Variants in TANGO2 observed in about 807,000 individuals in gnomAD.
TANGO2 encodes transport and golgi organization 2 homolog, also known as transport and Golgi organization protein 2 homolog.
Under a neutral mutation model 39.1 loss-of-function variants are expected in TANGO2, and 26 were observed. The ratio of observed to expected loss-of-function variants is 0.67; its 90% CI spans 0.49 to 0.92. TANGO2 has a LOEUF of 0.92. Ranked by LOEUF, TANGO2 falls within the 40% of genes least tolerant of loss-of-function variation. TANGO2 has a pLI of 0.00. For synonymous variants in TANGO2, 131 were observed against 144.5 expected (o/e 0.91, Z 0.67); for missense variants, 326 against 360.1 (o/e 0.91, Z 0.77).
At chr22:20,064,514 G>A in intron 8 of TANGO2, 28 bp from the exon 9 acceptor site, 1 of 1,613,574 alleles carries the variant, frequency 6.2e-7, no homozygotes, top group Non-Finnish European at 8.5e-7. Flanking sequence ...GGGACACCAG[G>A]TGAACGAGGG....
intron 1 of TANGO2, among the ~76,000 whole-genome samples, chr22:20,033,745 C>T (rs1179385003): frequency 6.6e-6 from 1 of 152,234 alleles, no homozygotes; most frequent in East Asian, 1.9e-4. Flanking sequence ...CTGGGCCCAC[C>T]CCATCAGTGG....
intron 1 of TANGO2, among the ~76,000 whole-genome samples, chr22:20,035,585 G>A (rs2042690073): frequency 6.6e-6 from 1 of 152,232 alleles, no homozygotes; most frequent in South Asian, 2.1e-4. Context: ...CGAGGTGTAT[G>A]CTAAGTGTGC....
At chr22:20,034,140 G>T (rs895723126) in intron 1 of TANGO2, among the ~76,000 whole-genome samples, 13 of 152,226 alleles carry the variant, frequency 8.5e-5, no homozygotes, top group African/African-American at 3.1e-4. Flanking sequence ...GGGGGGCGGA[G>T]GTTGCGGTGA....
chr22:20,025,822 G>C (rs1321277978), intron 1 of TANGO2, among the ~76,000 whole-genome samples: 1 of 152,204 alleles, frequency 6.6e-6, no homozygotes, highest in Non-Finnish European at 1.5e-5. Context: ...GCGTGATCTA[G>C]GCAGGGTTTG....
At chr22:20,036,193 A>G (rs1231773582) in intron 1 of TANGO2, among the ~76,000 whole-genome samples, 2 of 152,130 alleles carry the variant, frequency 1.3e-5, no homozygotes, top group Non-Finnish European at 2.9e-5. Context: ...CCCCTACCCA[A>G]CAATTAATAG....
In TANGO2 at chr22:20,065,426, C is replaced by A. The variant is rs1253939139; in HGVS notation, c.*764C>A. The A allele has an allele frequency of 6.6e-6, 1 of 152,072 alleles. No homozygotes were observed. The highest frequency in any genetic ancestry group is 1.9e-4 in the East Asian group (1 of 5,172). The allele number at this position is 152,072 out of a possible 1,614,324, so 9.4% of individuals were successfully genotyped here. Reference sequence around the variant, plus strand: ...GCACGATCTCGGCTCACTGCAACCTCCGCCTCCCAAGTTCAAGCAATTCTC... The same window carrying A: ...GCACGATCTCGGCTCACTGCAACCTACGCCTCCCAAGTTCAAGCAATTCTC... On this transcript the variant is annotated 3_prime_UTR_variant, in exon 9 of 9. Coordinates refer to ENST00000327374, the MANE Select transcript of TANGO2 (RefSeq NM_152906.7).
At chr22:20,048,740 A>G (rs1348719840) in intron 3 of TANGO2, among the ~76,000 whole-genome samples, 1 of 151,786 alleles carries the variant, frequency 6.6e-6, no homozygotes, top group Non-Finnish European at 1.5e-5. Context: ...TCCGCCTCCC[A>G]GGTTCAAGTG....
chr22:20,057,420 G>A lies in TANGO2; in HGVS notation c.451+1407G>A, dbSNP rs1175031085. On this transcript the variant is annotated intron_variant, in intron 6 of 8. Coordinates refer to ENST00000327374, the MANE Select transcript of TANGO2 (RefSeq NM_152906.7). The surrounding 1 kb of genome is among the most constrained non-coding windows in gnomAD (Gnocchi z 4.1). ...ATCTGCCTGGAGGGTGGCTTCCAGTGTGTCCCACCCACTGCCCCCACGCCT... is the reference window on the plus strand; with the variant it reads ...ATCTGCCTGGAGGGTGGCTTCCAGTATGTCCCACCCACTGCCCCCACGCCT... Among the ~76,000 whole-genome samples the A allele has an allele frequency of 6.6e-6, 1 of 152,202 alleles. No individual in the cohort carries two copies.
chr22:20,061,327 A>G (rs2048340328), intron 6 of TANGO2: 2 of 537,668 alleles, frequency 3.7e-6, no homozygotes, highest in South Asian at 3.2e-5. Context: ...GCTTCCGCCT[A>G]CTGCTGAGTT....
chr22:20,043,394 A>T lies in TANGO2; in HGVS notation c.96A>T (p.Arg32=), dbSNP rs1026988494. ...LAANRDEFYS[R]PSKLADFWGN... ...CCAACAGGGATGAATTCTACAGCCG[A>T]CCCTCCAAGTTAGCTGACTTCTGGG... The change falls in exon 3 of 9, where the codon CGA becomes CGT. Residue 32 remains arginine, a synonymous_variant. Transcript: ENST00000327374. 4 of 1,613,272 alleles carry T rather than the reference A, an allele frequency of 2.5e-6. No individual in the cohort carries two copies. The African/African-American group carries it at 5.3e-5, about 22-fold the overall frequency.
chr22:20,036,808 A>T lies in TANGO2; in HGVS notation c.10A>T (p.Ile4Phe), dbSNP rs1212736790. The stretch of plus-strand genomic sequence containing the variant: ...GCCGCCCTGCACCACCATGTGCATC[A>T]TCTTCTTTAAGTTTGATCCTCGCCC... Reference protein sequence around the residue: MCIIFFKFDPRPVS... With the variant: MCIFFFKFDPRPVS... The change falls in exon 2 of 9, where the codon ATC (isoleucine) becomes TTC (phenylalanine). Residue 4 changes from isoleucine (I) to phenylalanine (F), a missense_variant. Coordinates refer to ENST00000327374, the MANE Select transcript of TANGO2 (RefSeq NM_152906.7). 1.9e-6 allele frequency: 3 copies of T among 1,614,194 alleles called. No homozygotes were observed. Among genetic ancestry groups the T allele is most frequent in the Non-Finnish European group, 2.5e-6 (3 of 1,180,032 alleles).
chr22:20,037,034 G>C, intron 2 of TANGO2, 180 bp downstream of exon 2: 1 of 1,559,668 alleles, frequency 6.4e-7, no homozygotes, highest in Non-Finnish European at 8.7e-7. Flanking sequence ...ATGCCTCTCG[G>C]GGCGGGGACT....
upstream of TANGO2, among the ~76,000 whole-genome samples, chr22:20,020,223 T>C (rs918719794): frequency 6.6e-6 from 1 of 152,178 alleles, no homozygotes; most frequent in Non-Finnish European, 1.5e-5. Context: ...GGGTTTAGAG[T>C]GCTTTACACA....
Position 20,064,623 on chromosome 22 carries a change from C to T in TANGO2, c.792C>T (p.His264=), listed in dbSNP as rs766329222. ...GCATGATGGACAAGGACCTCTCCCACTGGGAGACCAGAACCTATGAGTTCA... is the reference window on the plus strand; with the variant it reads ...GCATGATGGACAAGGACCTCTCCCATTGGGAGACCAGAACCTATGAGTTCA... ...ERSMMDKDLS[H]WETRTYEFTL... is the part of the protein sequence containing the mutation. The change falls in exon 9 of 9, where the codon CAC becomes CAT. Residue 264 remains histidine, a synonymous_variant. Coordinates refer to ENST00000327374, the MANE Select transcript of TANGO2 (RefSeq NM_152906.7). 3 of 1,614,172 alleles carry T rather than the reference C, an allele frequency of 1.9e-6. No individual in the cohort carries two copies. The highest frequency in any genetic ancestry group is 2.5e-6 in the Non-Finnish European group (3 of 1,179,986).
chr22:20,042,844 T>C (rs974199215), intron 2 of TANGO2, among the ~76,000 whole-genome samples: 9 of 152,258 alleles, frequency 5.9e-5, no homozygotes, highest in African/African-American at 2.2e-4. Flanking sequence ...GAAGTTCCCA[T>C]CCACTCCCAA....
At chr22:20,032,394 C>T (rs551531093) in intron 1 of TANGO2, among the ~76,000 whole-genome samples, 7 of 152,360 alleles carry the variant, frequency 4.6e-5, no homozygotes, top group East Asian at 1.9e-4. Flanking sequence ...AGAGACTGGG[C>T]GTGGCTTCCT....
At chr22:20,046,770 G>T (rs1602141876) in intron 3 of TANGO2, among the ~76,000 whole-genome samples, 1 of 152,060 alleles carries the variant, frequency 6.6e-6, no homozygotes, top group Non-Finnish European at 1.5e-5. Context: ...TTTACATTGG[G>T]TATTTCTCCT....
At chr22:20,034,951 G>C (rs1318310228) in intron 1 of TANGO2, among the ~76,000 whole-genome samples, 1 of 152,240 alleles carries the variant, frequency 6.6e-6, no homozygotes, top group East Asian at 1.9e-4. Flanking sequence ...CCAGCATCTT[G>C]AGTTGTTTTT....
chr22:20,053,335 C>A, intron 4 of TANGO2, 102 bp from the exon 5 acceptor site: 1 of 740,678 alleles, frequency 1.4e-6, no homozygotes, highest in African/African-American at 1.7e-5. Context: ...CAGTGGGACC[C>A]CTCATCTTCC....
Sources: gnomAD v4.1 joint callset for allele counts (sites outside exome capture counted in the v4.1 genomes callset) on GRCh38, gnomAD v4.1.1 for gene constraint, Gnocchi (gnomAD v3.1) non-coding constraint, MANE v1.5 for transcripts, NCBI Gene and HGNC (gene_info 2026-07-23, HGNC 2026-07-21) for gene names.